ZNF469: variants seen among roughly 807,000 people sequenced by gnomAD.
ZNF469 encodes zinc finger protein 469.
A neutral mutation model predicts 1.0 loss-of-function variants in ZNF469; 1 was observed. That is an observed-to-expected ratio of 1.00 (90% CI 0.35 to 4.73). ZNF469 has a LOEUF of 4.73. ZNF469 is among the 30% of genes most tolerant of loss of function. The probability of loss-of-function intolerance (pLI) is 0.16; values close to 1 mark genes in which losing one functional copy is unlikely to be tolerated. For missense variants in ZNF469, 6,100 were observed against 5,356.3 expected (o/e 1.14, Z -4.33); for synonymous variants, 2,703 against 2,363.4 (o/e 1.14, Z -4.17).
intron 1 of ZNF469, among the ~76,000 whole-genome samples, chr16:88,395,194 G>A (rs1244197825): frequency 6.6e-6 from 1 of 152,076 alleles, no homozygotes; most frequent in Non-Finnish European, 1.5e-5. Context: ...TCTGTAGGTA[G>A]GTGGGTATGT....
At chr16:88,212,412 C>G in the ZNF469 span, among the ~76,000 whole-genome samples, 1 of 152,094 alleles carries the variant, frequency 6.6e-6, no homozygotes. Context: ...TTTACATCAT[C>G]TCATTTTCAT....
In ZNF469 at chr16:88,427,990, G is replaced by A. The variant is rs1339609890; in HGVS notation, c.520G>A (p.Ala174Thr). ...PGLPRTEAQPAAEELGFHRCF... is the reference protein window; with the variant it reads ...PGLPRTEAQPTAEELGFHRCF... ...CCTCCCAAGGACTGAGGCCCAACCC[G>A]CCGCCGAAGAGCTTGGCTTCCACAG... Residue 174 changes from alanine to threonine, a missense_variant, in exon 3 of 3, where the codon GCC becomes ACC. Transcript: ENST00000565624. The A allele has an allele frequency of 7.1e-6, 11 of 1,549,854 alleles. No individual in the cohort carries two copies. Among genetic ancestry groups the A allele is most frequent in the Middle Eastern group, 1.7e-4 (1 of 6,014 alleles).
chr16:88,229,070 C>T, the ZNF469 span, among the ~76,000 whole-genome samples: 8 of 152,214 alleles, frequency 5.3e-5, no homozygotes, highest in African/African-American at 1.9e-4. Flanking sequence ...CCCGGGACTG[C>T]AGACTTTTCC....
intron 1 of ZNF469, among the ~76,000 whole-genome samples, chr16:88,396,894 T>TGGAGGCCCTCATGAAGGGAGGCCGGGA (rs1904690803): frequency 1.5e-5 from 1 of 66,904 alleles, no homozygotes; most frequent in Non-Finnish European, 2.9e-5. Context: ...GGAGGCCGGG[T>TGGAGGCCCTCATGAAGGGAGGCCGGGA]GGAGACCCTC....
intron 1 of ZNF469, among the ~76,000 whole-genome samples, chr16:88,386,765 TG>T (rs748246934): frequency 3.3e-5 from 5 of 152,214 alleles, no homozygotes; most frequent in Admixed American, 1.3e-4. Flanking sequence ...CGTTCTCTGA[TG>T]GAGCTGACCT....
chr16:88,346,967 G>A, the ZNF469 span, among the ~76,000 whole-genome samples: 2 of 152,164 alleles, frequency 1.3e-5, no homozygotes, highest in Non-Finnish European at 2.9e-5. Flanking sequence ...TCGTTCCCAG[G>A]AGAGGCACAC....
chr16:88,214,738 G>C, the ZNF469 span, among the ~76,000 whole-genome samples: 2 of 152,096 alleles, frequency 1.3e-5, no homozygotes, highest in Non-Finnish European at 2.9e-5. Context: ...CCACCTATGA[G>C]TGAGAACATG....
chr16:88,185,621 C>A, the ZNF469 span, among the ~76,000 whole-genome samples: 26 of 151,850 alleles, frequency 1.7e-4, no homozygotes, highest in African/African-American at 6.3e-4. Context: ...TACAGACACA[C>A]TCACATTTGC....
At chr16:88,323,518 G>A in the ZNF469 span, among the ~76,000 whole-genome samples, 2 of 152,220 alleles carry the variant, frequency 1.3e-5, no homozygotes, top group Admixed American at 6.5e-5. Flanking sequence ...TCTGTGGGGT[G>A]AGAGGGCCCT....
chr16:88,385,812 C>T (rs1179798277), intron 1 of ZNF469, among the ~76,000 whole-genome samples: 2 of 152,100 alleles, frequency 1.3e-5, no homozygotes, highest in Non-Finnish European at 2.9e-5. Context: ...CTTTATTTCT[C>T]ATCAGAAAAA....
chr16:88,340,121 C>T, the ZNF469 span, among the ~76,000 whole-genome samples: 1 of 152,162 alleles, frequency 6.6e-6, no homozygotes, highest in Non-Finnish European at 1.5e-5. Context: ...CCTCACCACC[C>T]CTTCTCCTCC....
the ZNF469 span, among the ~76,000 whole-genome samples, chr16:88,141,567 A>G: frequency 1.1e-5 from 1 of 90,320 alleles, no homozygotes. Flanking sequence ...CCTGGGAGGC[A>G]CCCCCGTCCT....
the ZNF469 span, among the ~76,000 whole-genome samples, chr16:88,272,888 G>A: frequency 4.7e-5 from 7 of 148,734 alleles, no homozygotes; most frequent in African/African-American, 1.0e-4. Flanking sequence ...GTGGATAGAC[G>A]AGTGGACGGG....
the ZNF469 span, among the ~76,000 whole-genome samples, chr16:88,325,191 A>T: frequency 4.5e-5 from 5 of 110,382 alleles, no homozygotes; most frequent in South Asian, 1.3e-3. Flanking sequence ...TCACCTGCAC[A>T]CTCCAGGTGG....
In ZNF469 at chr16:88,434,595, G is replaced by A; in HGVS notation, c.7125G>A (p.Lys2375=). ...CLEGEMGTSS[K]EPEDPGTPET... Reference sequence around the variant, plus strand: ...AAGGTGAGATGGGGACCAGCAGCAAGGAGCCGGAGGACCCAGGGACCCCTG... The same window carrying A: ...AAGGTGAGATGGGGACCAGCAGCAAAGAGCCGGAGGACCCAGGGACCCCTG... The change falls in exon 3 of 3, where the codon AAG becomes AAA. Residue 2375 remains lysine, a synonymous_variant. Coordinates refer to ENST00000565624, the MANE Select transcript of ZNF469 (RefSeq NM_001367624.2). 2 of 1,550,304 alleles carry A rather than the reference G, an allele frequency of 1.3e-6. No individual in the cohort carries two copies. The highest frequency in any genetic ancestry group is 1.7e-6 in the Non-Finnish European group (2 of 1,146,938).
At chr16:88,359,596 T>G in the ZNF469 span, among the ~76,000 whole-genome samples, 7 of 152,220 alleles carry the variant, frequency 4.6e-5, no homozygotes, top group African/African-American at 1.7e-4. Flanking sequence ...TCTGCTCGAG[T>G]TTCAGTCCAC....
At chr16:88,306,028 T>G in the ZNF469 span, among the ~76,000 whole-genome samples, 3 of 152,128 alleles carry the variant, frequency 2.0e-5, no homozygotes, top group Non-Finnish European at 4.4e-5. Context: ...CATGTGGGTG[T>G]GAATGTAGAC....
intron 1 of ZNF469, among the ~76,000 whole-genome samples, chr16:88,400,688 G>T (rs1671187917): frequency 6.6e-6 from 1 of 152,010 alleles, no homozygotes; most frequent in African/African-American, 2.4e-5. Context: ...GCAGTGCAAG[G>T]CCCCATTCCA....
chr16:88,205,556 G>C, the ZNF469 span, among the ~76,000 whole-genome samples: 3 of 152,170 alleles, frequency 2.0e-5, no homozygotes, highest in African/African-American at 7.2e-5. This position sits in a 1 kb window ranked among gnomAD's most constrained non-coding sequence, Gnocchi z 4.2. Flanking sequence ...TCCTGAAAGT[G>C]GAATGAACAG....
Sources: allele counts gnomAD v4.1 joint callset (sites outside exome capture counted in the v4.1 genomes callset), GRCh38; gene constraint gnomAD v4.1.1; non-coding constraint Gnocchi (gnomAD v3.1); transcripts MANE v1.5; gene names NCBI Gene and HGNC (gene_info 2026-07-23, HGNC 2026-07-21).